GRIK2: variants seen among roughly 807,000 people sequenced by gnomAD.
GRIK2 encodes glutamate ionotropic receptor kainate type subunit 2.
GRIK2 carries 32 observed loss-of-function variants against 100.3 expected under a neutral mutation model. The observed-to-expected ratio is 0.32, with a 90% CI of 0.24 to 0.43. GRIK2 has a LOEUF of 0.43. GRIK2 is among the 20% of genes least tolerant of loss of function. The pLI is 1.00. For synonymous variants in GRIK2, 417 were observed against 389.4 expected, an observed-to-expected ratio of 1.07 and a Z score of -0.83; for missense variants, 843 against 1,114.9, an observed-to-expected ratio of 0.76 and a Z score of 3.47.
intron 2 of GRIK2, among the ~76,000 whole-genome samples, chr6:101,554,888 T>C (rs1204316372): frequency 6.6e-6 from 1 of 152,128 alleles, no homozygotes; most frequent in African/African-American, 2.4e-5. Flanking sequence ...CATAGGTATA[T>C]GTGACCACTC....
chr6:101,595,881 T>C (rs1318360683), intron 2 of GRIK2, among the ~76,000 whole-genome samples: 1 of 151,178 alleles, frequency 6.6e-6, no homozygotes, highest in African/African-American at 2.4e-5. Context: ...TCTATACCAG[T>C]GTTTTCTTCC....
intron 2 of GRIK2, among the ~76,000 whole-genome samples, chr6:101,415,582 G>A (rs964671410): frequency 5.3e-5 from 8 of 151,848 alleles, no homozygotes; most frequent in African/African-American, 1.9e-4. Context: ...TTGTTAGCCA[G>A]GATAGTCTTG....
intron 2 of GRIK2, among the ~76,000 whole-genome samples, chr6:101,514,540 G>A (rs1027303540): frequency 7.9e-5 from 12 of 151,962 alleles, no homozygotes; most frequent in African/African-American, 2.9e-4. Flanking sequence ...TTTCCTTTTA[G>A]GGTTAATAGT....
At chr6:102,035,195 A>ATG in intron 14 of GRIK2, 146 bp from the exon 15 acceptor site, 1 of 157,108 alleles carries the variant, frequency 6.4e-6, no homozygotes, top group Admixed American at 6.6e-5. Flanking sequence ...CTTTTTTGGT[A>ATG]TATATATATA....
At chr6:101,464,116 T>G (rs193261214) in intron 2 of GRIK2, among the ~76,000 whole-genome samples, 1 of 152,292 alleles carries the variant, frequency 6.6e-6, no homozygotes, top group Admixed American at 6.5e-5. Context: ...TGAAACTCAC[T>G]TACATGAAGT....
intron 2 of GRIK2, among the ~76,000 whole-genome samples, chr6:101,424,926 A>G (rs1363749594): frequency 2.0e-5 from 3 of 152,184 alleles, no homozygotes; most frequent in African/African-American, 4.8e-5. Flanking sequence ...ATAGTATTCC[A>G]TGGTGTATAT....
At chr6:101,571,277 C>T (rs1056586811) in intron 2 of GRIK2, among the ~76,000 whole-genome samples, 1 of 152,108 alleles carries the variant, frequency 6.6e-6, no homozygotes, top group Non-Finnish European at 1.5e-5. Context: ...CCAACATCTA[C>T]ATTAGGTATA....
At chr6:102,016,552 A>C (rs1373014564) in intron 14 of GRIK2, among the ~76,000 whole-genome samples, 1 of 151,528 alleles carries the variant, frequency 6.6e-6, no homozygotes, top group Admixed American at 6.6e-5. Context: ...AAAAAAATAA[A>C]TAAAAAAATT....
intron 7 of GRIK2, among the ~76,000 whole-genome samples, chr6:101,752,591 T>G (rs2128385333): frequency 6.6e-6 from 1 of 152,354 alleles, no homozygotes; most frequent in Non-Finnish European, 1.5e-5. Context: ...CTACAATAAT[T>G]TAATCTTCTA....
chr6:101,533,109 A>G (rs1775523135), intron 2 of GRIK2, among the ~76,000 whole-genome samples: 1 of 151,960 alleles, frequency 6.6e-6, no homozygotes, highest in Non-Finnish European at 1.5e-5. Context: ...AGCTTTTAGC[A>G]TGCTTATCAT....
At chr6:101,675,901 G>C (rs1770799341) in intron 4 of GRIK2, among the ~76,000 whole-genome samples, 1 of 152,104 alleles carries the variant, frequency 6.6e-6, no homozygotes, top group South Asian at 2.1e-4. Flanking sequence ...TTATTTCACT[G>C]TTACATATAC....
chr6:101,987,972 G>A (rs370867978), intron 14 of GRIK2, among the ~76,000 whole-genome samples: 4 of 151,344 alleles, frequency 2.6e-5, no homozygotes, highest in African/African-American at 4.8e-5. Flanking sequence ...AAAGAGCATC[G>A]TCTCTTTACT....
chr6:101,959,245 A>C (rs1305367103), intron 14 of GRIK2, among the ~76,000 whole-genome samples: 2 of 152,052 alleles, frequency 1.3e-5, no homozygotes, highest in African/African-American at 4.8e-5. Flanking sequence ...TCCTGGGCTC[A>C]TATCTGTTGG....
chr6:101,930,396 G>A (rs1310001784), intron 14 of GRIK2, among the ~76,000 whole-genome samples: 1 of 151,848 alleles, frequency 6.6e-6, no homozygotes, highest in African/African-American at 2.4e-5. Context: ...ATTGCTAAAC[G>A]TGCGTTGTTA....
chr6:101,492,170 A>T (rs1193159991), intron 2 of GRIK2, among the ~76,000 whole-genome samples: 1 of 151,940 alleles, frequency 6.6e-6, no homozygotes, highest in Non-Finnish European at 1.5e-5. Flanking sequence ...TGAAAGTCTT[A>T]TATCTAGATT....
chr6:101,399,727 G>A (rs1775180349), intron 2 of GRIK2, among the ~76,000 whole-genome samples: 1 of 152,196 alleles, frequency 6.6e-6, no homozygotes, highest in Non-Finnish European at 1.5e-5. Context: ...GAGCTTGGAG[G>A]GGTGCGCGGT....
chr6:101,925,250 A>G (rs1789812072), intron 13 of GRIK2, among the ~76,000 whole-genome samples: 2 of 152,210 alleles, frequency 1.3e-5, no homozygotes, highest in Non-Finnish European at 2.9e-5. Flanking sequence ...ATATAAGAAT[A>G]TAAAATATTG....
At chr6:101,523,919 A>G (rs1775014634) in intron 2 of GRIK2, among the ~76,000 whole-genome samples, 1 of 151,948 alleles carries the variant, frequency 6.6e-6, no homozygotes, top group Admixed American at 6.6e-5. Context: ...ATGGGGTTTC[A>G]CCATATTGGT....
intron 14 of GRIK2, among the ~76,000 whole-genome samples, chr6:102,024,565 G>C (rs529484760): frequency 9.9e-5 from 15 of 151,256 alleles, no homozygotes; most frequent in African/African-American, 3.4e-4. Context: ...TAAAAGAACA[G>C]GGTTTTGTAC....
Sources: gnomAD v4.1 joint callset for allele counts (sites outside exome capture counted in the v4.1 genomes callset) on GRCh38, gnomAD v4.1.1 for gene constraint, MANE v1.5 for transcripts, NCBI Gene and HGNC (gene_info 2026-07-23, HGNC 2026-07-21) for gene names.